The following CCDC102B variants were observed in gnomAD, a reference collection of about 807,000 sequenced individuals.
CCDC102B encodes coiled-coil domain containing 102B, also known as coiled-coil domain-containing protein 102B.
A neutral mutation model predicts 57.4 loss-of-function variants in CCDC102B; 75 were observed. The ratio of observed to expected loss-of-function variants is 1.31; its 90% CI spans 1.08 to 1.58. The LOEUF is 1.58. Ranked by LOEUF, CCDC102B falls within the 40% of genes most tolerant of loss-of-function variation. The probability of loss-of-function intolerance (pLI) is 0.00; values close to 1 mark genes in which losing one functional copy is unlikely to be tolerated. For missense variants in CCDC102B, 636 were observed against 582.6 expected, an observed-to-expected ratio of 1.09 and a Z score of -0.94; for synonymous variants, 206 against 201.9, an observed-to-expected ratio of 1.02 and a Z score of -0.17.
intron 6 of CCDC102B, among the ~76,000 whole-genome samples, chr18:68,980,223 T>A (rs2050542202): frequency 6.6e-6 from 1 of 151,682 alleles, no homozygotes; most frequent in Non-Finnish European, 1.5e-5. Flanking sequence ...TGGTCCAAGA[T>A]AGAACCCTCT....
intron 7 of CCDC102B, among the ~76,000 whole-genome samples, chr18:69,011,972 T>C (rs1403438649): frequency 6.6e-6 from 1 of 152,200 alleles, no homozygotes; most frequent in Admixed American, 6.5e-5. Context: ...TCAAGCAAAC[T>C]GGATTTTCTT....
intron 3 of CCDC102B, 175 bp downstream of exon 3, chr18:68,839,101 T>C: frequency 1.6e-6 from 1 of 625,540 alleles, no homozygotes; most frequent in South Asian, 2.0e-5. Context: ...TAAAATGTAG[T>C]TTATAACTTG....
intron 7 of CCDC102B, among the ~76,000 whole-genome samples, chr18:69,024,339 T>C (rs1386557433): frequency 6.6e-6 from 1 of 152,076 alleles, no homozygotes; most frequent in African/African-American, 2.4e-5. Flanking sequence ...TGATTACTTA[T>C]ATTTCAACAC....
intron 2 of CCDC102B, among the ~76,000 whole-genome samples, chr18:68,719,636 A>G (rs1324533432): frequency 6.6e-6 from 1 of 152,136 alleles, no homozygotes; most frequent in Non-Finnish European, 1.5e-5. Flanking sequence ...GGCCATCTAC[A>G]TTACTCAGAT....
At chr18:69,055,839 G>T (rs182803485), downstream of CCDC102B, among the ~76,000 whole-genome samples, 1 of 152,068 alleles carries the variant, frequency 6.6e-6, no homozygotes, top group East Asian at 1.9e-4. Context: ...TTTCTGAAAG[G>T]GTTGCTCATC....
intron 1 of CCDC102B, among the ~76,000 whole-genome samples, chr18:68,827,063 T>C (rs981405076): frequency 1.3e-5 from 2 of 152,026 alleles, no homozygotes; most frequent in African/African-American, 4.8e-5. Context: ...AAGTGATAAT[T>C]ATAGAACTGG....
chr18:68,950,330 G>A (rs1261372484), intron 6 of CCDC102B, among the ~76,000 whole-genome samples: 1 of 152,046 alleles, frequency 6.6e-6, no homozygotes, highest in Admixed American at 6.6e-5. Context: ...CAATCTACAG[G>A]CATTCAATAT....
intron 7 of CCDC102B, among the ~76,000 whole-genome samples, chr18:69,051,922 GA>G (rs61684548): frequency 0.054 from 8,037 of 149,760 alleles, 723 homozygotes; most frequent in African/African-American, 0.18. Context: ...TGTAAAACAT[GA>G]AAAAAAAATA....
intron 6 of CCDC102B, among the ~76,000 whole-genome samples, chr18:68,905,585 G>A (rs1250353309): frequency 3.9e-4 from 1 of 2,540 alleles, no homozygotes; most frequent in Non-Finnish European, 9.3e-4. Flanking sequence ...TTATGGGACC[G>A]CCCTGTCTAG....
chr18:68,863,868 A>T (rs1009970778), intron 4 of CCDC102B, among the ~76,000 whole-genome samples: 7 of 151,960 alleles, frequency 4.6e-5, no homozygotes, highest in African/African-American at 1.4e-4. Flanking sequence ...TGTACAATTG[A>T]CGTATTAGTA....
intron 2 of CCDC102B, among the ~76,000 whole-genome samples, chr18:68,783,040 A>G (rs1392492420): frequency 1.3e-5 from 2 of 152,166 alleles, no homozygotes; most frequent in African/African-American, 4.8e-5. Context: ...CAGATTCACA[A>G]TCATCTTTTC....
At chr18:68,780,203 T>C (rs923040076) in intron 2 of CCDC102B, among the ~76,000 whole-genome samples, 1 of 152,136 alleles carries the variant, frequency 6.6e-6, no homozygotes, top group Non-Finnish European at 1.5e-5. Context: ...CTTTATTGCT[T>C]TTTATTGTTG....
chr18:68,794,702 T>C (rs2144668226), upstream of CCDC102B, among the ~76,000 whole-genome samples: 1 of 152,252 alleles, frequency 6.6e-6, no homozygotes, highest in East Asian at 1.9e-4. Flanking sequence ...GTGATTGTTA[T>C]ATGATATGGA....
intron 6 of CCDC102B, among the ~76,000 whole-genome samples, chr18:69,007,895 T>C (rs1289356254): frequency 2.0e-5 from 3 of 152,238 alleles, no homozygotes; most frequent in Admixed American, 6.5e-5. Context: ...TTCCTTCCTC[T>C]TTCCTCTTTC....
intron 2 of CCDC102B, among the ~76,000 whole-genome samples, chr18:68,718,515 G>A (rs564053766): frequency 6.6e-6 from 1 of 152,146 alleles, no homozygotes; most frequent in Admixed American, 6.5e-5. Context: ...TTCTTGATCT[G>A]GGTGCTGCTT....
chr18:68,872,321 G>A (rs974034558), intron 4 of CCDC102B, among the ~76,000 whole-genome samples: 2 of 152,034 alleles, frequency 1.3e-5, no homozygotes, highest in Admixed American at 6.6e-5. Flanking sequence ...TAGGTGCACG[G>A]GAACTGTCCA....
chr18:68,998,987 TATATATATATATAGAG>T lies in CCDC102B; in HGVS notation c.1264-11945_1264-11930del, dbSNP rs1453865978. 5.9e-3 allele frequency among the ~76,000 whole-genome samples: 477 copies of T among 80,786 alleles called. 2 individuals carry two copies. Among genetic ancestry groups the T allele is most frequent in the Non-Finnish European group, 7.9e-3 (317 of 39,934 alleles). 53.0% of individuals were successfully genotyped at this position (80,786 alleles called of 152,430 possible). ...ATCATCATATATATATATATATATA[TATATATATATATAGAG>T]AGAGAGAGAGAGAGAGAGAGAGAGA... On this transcript the variant is annotated intron_variant, in intron 6 of 7. Coordinates refer to ENST00000360242, the MANE Select transcript of CCDC102B (RefSeq NM_024781.3).
At chr18:68,852,218 C>G (rs8092373) in intron 4 of CCDC102B, among the ~76,000 whole-genome samples, 44,275 of 152,006 alleles carry the variant, frequency 0.29, 6,874 homozygotes, top group Non-Finnish European at 0.34. Flanking sequence ...CCTAAGTGTT[C>G]TTGCTGCAAT....
intron 2 of CCDC102B, among the ~76,000 whole-genome samples, chr18:68,731,758 A>T (rs183794433): frequency 6.7e-6 from 1 of 149,688 alleles, no homozygotes; most frequent in African/African-American, 2.4e-5. Context: ...ATTCAGTTAT[A>T]TATCAGTTGT....
Sources: gnomAD v4.1 joint callset for allele counts (sites outside exome capture counted in the v4.1 genomes callset) on GRCh38, gnomAD v4.1.1 for gene constraint, MANE v1.5 for transcripts, NCBI Gene and HGNC (gene_info 2026-07-23, HGNC 2026-07-21) for gene names.